Variants in TUT7 observed in about 807,000 individuals in gnomAD.
TUT7 encodes the protein terminal uridylyl transferase 7, also known as terminal uridylyltransferase 7.
TUT7 carries 33 observed loss-of-function variants against 165.9 expected under a neutral mutation model. That is an observed-to-expected ratio of 0.20 (90% confidence interval 0.15 to 0.27). TUT7 has a LOEUF of 0.27. TUT7 is among the 10% of genes least tolerant of loss of function. The probability of loss-of-function intolerance (pLI) is 1.00; values close to 1 mark genes in which losing one functional copy is unlikely to be tolerated. For missense variants in TUT7, 1,338 were observed against 1,762.3 expected (o/e 0.76, Z 4.31); for synonymous variants, 552 against 608.1 (o/e 0.91, Z 1.36).
intron 22 of TUT7, among the ~76,000 whole-genome samples, chr9:86,307,846 T>A (rs577417397): frequency 1.1e-4 from 16 of 152,088 alleles, no homozygotes; most frequent in African/African-American, 3.6e-4. Context: ...TACAAAAATT[T>A]AGCCAGTTGT....
Position 86,353,172 on chromosome 9 carries a change from C to T in TUT7, c.28G>A (p.Val10Met), listed in dbSNP as rs145203227. Residue 10 changes from valine to methionine, a missense_variant, in exon 2 of 27, where the codon GTG becomes ATG. By Grantham distance (21) the Val-to-Met change is conservative. Transcript: ENST00000375963. The part of the protein sequence containing the change: MGDTAKPYF[V>M]KRTKDRGTMD... ...GTCCCCCGGTCTTTAGTGCGCTTCACGAAATAAGGTTTTGCTGTATCTCCC... is the reference window on the plus strand; with the variant it reads ...GTCCCCCGGTCTTTAGTGCGCTTCATGAAATAAGGTTTTGCTGTATCTCCC... 889 of 1,589,532 alleles carry T rather than the reference C, an allele frequency of 5.6e-4. No homozygotes were observed. The highest frequency in any genetic ancestry group is 7.1e-4 in the Non-Finnish European group (829 of 1,171,646).
intron 26 of TUT7, among the ~76,000 whole-genome samples, chr9:86,300,345 A>G (rs1207752511): frequency 2.0e-5 from 3 of 152,360 alleles, no homozygotes; most frequent in African/African-American, 7.2e-5. Flanking sequence ...AACTATACAC[A>G]TGGAGTATTT....
chr9:86,304,521 G>T (rs530918992), intron 24 of TUT7, among the ~76,000 whole-genome samples: 2 of 152,152 alleles, frequency 1.3e-5, no homozygotes, highest in South Asian at 4.1e-4. Context: ...GTACAAACTG[G>T]GCTTGGCCAA....
rs1160363389 is a variant in TUT7, at chr9:86,309,536, G to A, written c.3509C>T (p.Ser1170Leu). The A allele has an allele frequency of 6.2e-7, 1 of 1,613,504 alleles. No homozygotes were observed. The highest frequency in any genetic ancestry group is 1.7e-5 in the Admixed American group (1 of 59,796). The change falls in exon 20 of 27, where the codon TCG becomes TTG. Residue 1170 changes from serine (S) to leucine (L), a missense_variant. Ser to Leu is a moderately radical substitution (Grantham distance 145). Around this residue, in one of 7 missense-constraint regions of TUT7, gnomAD observed 157 missense variants for 357.5 expected, o/e 0.44. Transcript: ENST00000375963. The part of the protein sequence containing the change: ...IGDASRGSLS[S>L]YAYTLMVLYF... ...TAGCACCATAAGAGTATATGCATAC[G>A]ATGATAAGCTGCCTCTAGATGCATC... is the stretch of plus-strand genomic sequence containing the variant.
At chr9:86,308,141 A>G (rs1356874268) in intron 22 of TUT7, among the ~76,000 whole-genome samples, 1 of 152,192 alleles carries the variant, frequency 6.6e-6, no homozygotes, top group Non-Finnish European at 1.5e-5. Flanking sequence ...ACCCCCCAAC[A>G]GGAAGGTTGT....
chr9:86,292,219 T>C (rs1825952812), intron 26 of TUT7, among the ~76,000 whole-genome samples: 1 of 152,176 alleles, frequency 6.6e-6, no homozygotes, highest in Admixed American at 6.5e-5. Flanking sequence ...TGTAGGACAT[T>C]CTTATTATAT....
At chr9:86,345,925 G>A in intron 3 of TUT7, 140 bp from the exon 4 acceptor site, 1 of 654,840 alleles carries the variant, frequency 1.5e-6, no homozygotes, top group Non-Finnish European at 2.6e-6. Context: ...GCCCTGGCTG[G>A]AGTGAACTGG....
chr9:86,288,722 CATAT>C lies in TUT7; in HGVS notation c.4439_4442del (p.Tyr1480Ter). On this transcript the variant is annotated frameshift_variant, in exon 27 of 27. Transcript: ENST00000375963. LOFTEE classifies it high-confidence loss of function. ...TCTTCGCTGAGGCTTTTCCCTGAGTCATATATTTACTGGAAAGGCTACCTAGAGG... is the reference window on the plus strand; with the variant it reads ...TCTTCGCTGAGGCTTTTCCCTGAGTCATTTACTGGAAAGGCTACCTAGAGG... The C allele has an allele frequency of 1.2e-6, 2 of 1,613,624 alleles. No homozygotes were observed. Among genetic ancestry groups the C allele is most frequent in the African/African-American group, 1.3e-5 (1 of 74,968 alleles).
intron 2 of TUT7, 112 bp from the exon 3 acceptor site, chr9:86,346,592 G>T: frequency 1.8e-6 from 2 of 1,107,364 alleles, no homozygotes; most frequent in Non-Finnish European, 2.6e-6. Flanking sequence ...ACATCTGCAT[G>T]CAGAGCAGAA....
Position 86,322,880 on chromosome 9 carries a change from T to C in TUT7, c.2870A>G (p.Lys957Arg). 1 of 1,593,406 alleles carries C rather than the reference T, an allele frequency of 6.3e-7. No individual in the cohort carries two copies. Among genetic ancestry groups the C allele is most frequent in the Non-Finnish European group, 8.5e-7 (1 of 1,171,372 alleles). ...AGTGGTGGTACTGATTACCTTGCCT[T>C]TGGTGAAGATAAGTTTACTGAATTC... is the stretch of plus-strand genomic sequence containing the variant. ...FYEFSKLIFT[K>R]GKSPTVVCSL... The change falls in exon 13 of 27, where the codon AAA (lysine) becomes AGA (arginine). Residue 957 changes from lysine (K) to arginine (R), a missense_variant. Physicochemically the swap from Lys to Arg is conservative, Grantham distance 26. This residue lies in a region of TUT7 where 425 missense variants were observed against 474.9 expected (regional missense o/e 0.89). Coordinates refer to ENST00000375963, the MANE Select transcript of TUT7 (RefSeq NM_024617.4).
At chr9:86,318,171 T>A (rs973377377) in intron 16 of TUT7, among the ~76,000 whole-genome samples, 21 of 152,240 alleles carry the variant, frequency 1.4e-4, no homozygotes, top group African/African-American at 5.1e-4. Context: ...TTTAAAAGAA[T>A]AGGGACTCAG....
chr9:86,327,855 G>A (rs968523284), intron 11 of TUT7, among the ~76,000 whole-genome samples: 2 of 152,196 alleles, frequency 1.3e-5, no homozygotes, highest in Non-Finnish European at 2.9e-5. Context: ...ATTTGGGAGA[G>A]AATCTTATTC....
In TUT7 at chr9:86,319,597, T is replaced by C. The variant is rs1829041606; in HGVS notation, c.3102A>G (p.Arg1034=). 33 of 1,603,896 alleles carry C rather than the reference T, an allele frequency of 2.1e-5. No homozygotes were observed. Among genetic ancestry groups the C allele is most frequent in the Non-Finnish European group, 2.7e-5 (32 of 1,175,906 alleles). Residue 1034 remains arginine (R), a synonymous_variant, in exon 15 of 27, where the codon AGA becomes AGG. Coordinates refer to ENST00000375963, the MANE Select transcript of TUT7 (RefSeq NM_024617.4). Reference sequence around the variant, plus strand: ...TAAATCATTTACCTGGAAAGTCCTGTCTTATGAAACTTTCTAGGTTTTGCC... The same window carrying C: ...TAAATCATTTACCTGGAAAGTCCTGCCTTATGAAACTTTCTAGGTTTTGCC... ...HIRQNLESFI[R]QDFPGTKLSL...
intron 10 of TUT7, among the ~76,000 whole-genome samples, chr9:86,331,767 G>T (rs550858301): frequency 6.6e-6 from 1 of 152,046 alleles, no homozygotes; most frequent in Admixed American, 6.5e-5. Flanking sequence ...TTCTGAAGGG[G>T]ATCTAGTTAA....
At chr9:86,305,733 G>A (rs2131328223) in intron 22 of TUT7, among the ~76,000 whole-genome samples, 1 of 152,126 alleles carries the variant, frequency 6.6e-6, no homozygotes. Context: ...ATTCATGATG[G>A]AGATTACAAA....
Position 86,352,913 on chromosome 9 carries a change from T to A in TUT7, c.287A>T (p.Asp96Val), listed in dbSNP as rs150436658. 3 of 1,614,228 alleles carry A rather than the reference T, an allele frequency of 1.9e-6. No homozygotes were observed. Among genetic ancestry groups the A allele is most frequent in the Non-Finnish European group, 2.5e-6 (3 of 1,180,046 alleles). Reference protein sequence around the residue: ...QPAWMNDSHKDQSKRWLSDEH... With the variant: ...QPAWMNDSHKVQSKRWLSDEH... Reference sequence around the variant, plus strand: ...ATCAGACAGCCATCTCTTACTCTGATCTTTGTGGCTGTCATTCATCCAAGC... The same window carrying A: ...ATCAGACAGCCATCTCTTACTCTGAACTTTGTGGCTGTCATTCATCCAAGC... The change falls in exon 2 of 27, where the codon GAT (aspartate) becomes GTT (valine). Residue 96 changes from aspartate (D) to valine (V), a missense_variant. Coordinates refer to ENST00000375963, the MANE Select transcript of TUT7 (RefSeq NM_024617.4).
intron 26 of TUT7, among the ~76,000 whole-genome samples, chr9:86,294,428 A>G (rs1211196787): frequency 4.6e-5 from 7 of 152,166 alleles, no homozygotes. Flanking sequence ...ATTTTTGATG[A>G]TACATCACTG....
intron 10 of TUT7, among the ~76,000 whole-genome samples, chr9:86,333,865 A>C (rs1830536459): frequency 6.6e-6 from 1 of 152,018 alleles, no homozygotes; most frequent in African/African-American, 2.4e-5. Flanking sequence ...TAGGATGTTT[A>C]TTGTTTTCTG....
At chr9:86,345,991 A>G (rs1831723304) in intron 3 of TUT7, among the ~76,000 whole-genome samples, 2 of 152,124 alleles carry the variant, frequency 1.3e-5, no homozygotes, top group South Asian at 2.1e-4. Flanking sequence ...AGTTCAAGCA[A>G]TCCTCCTGCC....
Sources: gnomAD v4.1 joint callset for allele counts (sites outside exome capture counted in the v4.1 genomes callset) on GRCh38, gnomAD v4.1.1 for gene constraint, gnomAD v4.1.1 regional missense constraint, MANE v1.5 for transcripts, NCBI Gene and HGNC (gene_info 2026-07-23, HGNC 2026-07-21) for gene names.